ARF4: variants seen among roughly 807,000 people sequenced by gnomAD.
The protein encoded by ARF4 is ADP-ribosylation factor 4.
In ARF4, 5 loss-of-function variants were observed where a neutral mutation model predicts 24.3. The observed-to-expected ratio is 0.21, with a 90% confidence interval of 0.11 to 0.43. ARF4 has a LOEUF of 0.43. Ranked by LOEUF, ARF4 falls within the 20% of genes least tolerant of loss-of-function variation. The pLI is 1.00. For synonymous variants in ARF4, 62 were observed against 73.5 expected (o/e 0.84, Z 0.80); for missense variants, 107 against 213.0 (o/e 0.50, Z 3.10).
intron 1 of ARF4, among the ~76,000 whole-genome samples, chr3:57,592,919 C>T (rs567772577): frequency 7.9e-5 from 12 of 152,218 alleles, no homozygotes; most frequent in East Asian, 3.9e-4. Context: ...AAAGGCTGAG[C>T]GTGTACCAGG....
At chr3:57,578,654 A>G (rs2069934438) in intron 3 of ARF4, among the ~76,000 whole-genome samples, 1 of 151,850 alleles carries the variant, frequency 6.6e-6, no homozygotes. Context: ...TAATTTTTCT[A>G]TTTTTTGTAG....
chr3:57,574,615 C>T (rs576220663), intron 5 of ARF4, among the ~76,000 whole-genome samples: 17 of 152,086 alleles, frequency 1.1e-4, no homozygotes, highest in South Asian at 2.1e-4. Context: ...CTTTGTTGCC[C>T]GGGCTGGTTT....
Position 57,577,357 on chromosome 3 carries a change from G to C in ARF4, c.289C>G (p.Arg97Gly). 1 of 1,613,346 alleles carries C rather than the reference G, an allele frequency of 6.2e-7. No individual in the cohort carries two copies. Among genetic ancestry groups the C allele is most frequent in the Non-Finnish European group, 8.5e-7 (1 of 1,179,788 alleles). ...GLIFVVDSNDRERIQEVADEL... is the reference protein window; with the variant it reads ...GLIFVVDSNDGERIQEVADEL... ...TCTGCTACTTCCTGAATTCTTTCAC[G>C]ATCGTTGCTATCTACCACAAAAATA... The change falls in exon 4 of 6, where the codon CGT becomes GGT. Residue 97 changes from arginine to glycine, a missense_variant. Coordinates refer to ENST00000303436, the MANE Select transcript of ARF4 (RefSeq NM_001660.4).
At chr3:57,583,827 T>C in intron 3 of ARF4, 71 bp downstream of exon 3, 1 of 1,037,166 alleles carries the variant, frequency 9.6e-7, no homozygotes, top group South Asian at 1.4e-5. Flanking sequence ...AAGTAAATAC[T>C]AGATACTAAT....
At chr3:57,594,367 C>G (rs2070156010) in intron 1 of ARF4, among the ~76,000 whole-genome samples, 1 of 152,162 alleles carries the variant, frequency 6.6e-6, no homozygotes, top group Admixed American at 6.6e-5. Flanking sequence ...GGATAATAGG[C>G]GTGAGCCACC....
intron 1 of ARF4, among the ~76,000 whole-genome samples, chr3:57,591,656 G>A (rs1179663337): frequency 1.3e-5 from 2 of 151,954 alleles, no homozygotes; most frequent in Non-Finnish European, 2.9e-5. Flanking sequence ...GAGTATAGAT[G>A]GGGTTTCACT....
At chr3:57,581,065 G>A (rs2069965102) in intron 3 of ARF4, among the ~76,000 whole-genome samples, 1 of 152,196 alleles carries the variant, frequency 6.6e-6, no homozygotes, top group South Asian at 2.1e-4. Flanking sequence ...AAGCCCAGCT[G>A]CTATGAAATT....
chr3:57,594,043 G>A (rs1247323084), intron 1 of ARF4, among the ~76,000 whole-genome samples: 1 of 152,130 alleles, frequency 6.6e-6, no homozygotes, highest in Non-Finnish European at 1.5e-5. Flanking sequence ...ATCACCTGAG[G>A]TCAGGAGTTC....
At chr3:57,575,139 C>T (rs376201148) in intron 5 of ARF4, among the ~76,000 whole-genome samples, 11 of 146,390 alleles carry the variant, frequency 7.5e-5, no homozygotes, top group African/African-American at 2.3e-4. Context: ...CATGAGCCAC[C>T]GCACCCAGCC....
rs1460603901 is a variant in ARF4, at chr3:57,577,299, T to G, written c.330+17A>C. ...AAGCACACCTTGAAAATGATGAATTTAAAGTATATTTCTTACCATTTTCTG... is the reference window on the plus strand; with the variant it reads ...AAGCACACCTTGAAAATGATGAATTGAAAGTATATTTCTTACCATTTTCTG... On this transcript the variant is annotated intron_variant, in intron 4 of 5. Transcript: ENST00000303436. 6.2e-7 allele frequency: 1 copy of G among 1,601,924 alleles called. No homozygotes were observed. The highest frequency in any genetic ancestry group is 1.7e-5 in the Admixed American group (1 of 59,918).
intron 3 of ARF4, among the ~76,000 whole-genome samples, chr3:57,581,974 TC>T (rs2069978233): frequency 6.6e-6 from 1 of 152,034 alleles, no homozygotes; most frequent in Non-Finnish European, 1.5e-5. Context: ...ATCCAAAACT[TC>T]CCGAGCACCA....
At chr3:57,584,850 T>G (rs2070016946) in intron 1 of ARF4, among the ~76,000 whole-genome samples, 2 of 151,896 alleles carry the variant, frequency 1.3e-5, no homozygotes, top group South Asian at 4.2e-4. Flanking sequence ...ACTACCAGCA[T>G]TTTTTGGGGG....
chr3:57,589,033 C>T (rs998608443), intron 1 of ARF4, among the ~76,000 whole-genome samples: 3 of 150,872 alleles, frequency 2.0e-5, no homozygotes, highest in Non-Finnish European at 4.4e-5. Flanking sequence ...ACCTGAGAGG[C>T]GGAGGTCGCA....
At chr3:57,573,358 CA>C (rs577030564) in intron 5 of ARF4, among the ~76,000 whole-genome samples, 1 of 151,766 alleles carries the variant, frequency 6.6e-6, no homozygotes, top group Non-Finnish European at 1.5e-5. Context: ...GTGAAAGTAT[CA>C]AAAAAAACCT....
chr3:57,575,305 CAA>C lies in ARF4; in HGVS notation c.456+241_456+242del, dbSNP rs11294059. Among the ~76,000 whole-genome samples, 218 of 134,936 alleles carry C rather than the reference CAA, an allele frequency of 1.6e-3. 1 individual carries two copies. The highest frequency in any genetic ancestry group is 2.1e-3 in the Non-Finnish European group (130 of 62,648). The allele number at this position is 134,936 out of a possible 152,430, so 88.5% of individuals were successfully genotyped here. ...TTTCCATTCCTTCCACCTCTCCCTTCAAAAAAAAAAAAAAAGAAAAAAGAAAC... is the reference window on the plus strand; with the variant it reads ...TTTCCATTCCTTCCACCTCTCCCTTCAAAAAAAAAAAAAGAAAAAAGAAAC... On this transcript the variant is annotated intron_variant, in intron 5 of 5. Coordinates refer to ENST00000303436, the MANE Select transcript of ARF4 (RefSeq NM_001660.4).
chr3:57,583,486 G>A (rs1028194734), intron 3 of ARF4, among the ~76,000 whole-genome samples: 3 of 152,058 alleles, frequency 2.0e-5, no homozygotes, highest in Admixed American at 6.6e-5. Flanking sequence ...TCAATGCAGC[G>A]AACTGACTTT....
chr3:57,584,300 A>G, intron 2 of ARF4, 84 bp downstream of exon 2: 1 of 1,233,792 alleles, frequency 8.1e-7, no homozygotes, highest in Non-Finnish European at 1.2e-6. Context: ...AACATGCTTA[A>G]CAAAAAGACA....
chr3:57,576,904 C>T (rs1355449608), intron 4 of ARF4, among the ~76,000 whole-genome samples: 3 of 151,930 alleles, frequency 2.0e-5, no homozygotes, highest in South Asian at 2.1e-4. Flanking sequence ...AAAATGGAAC[C>T]GATGACCTTG....
At chr3:57,589,251 G>C (rs2070075735) in intron 1 of ARF4, among the ~76,000 whole-genome samples, 1 of 151,642 alleles carries the variant, frequency 6.6e-6, no homozygotes, top group Non-Finnish European at 1.5e-5. Flanking sequence ...CTGGGCAACA[G>C]AATTGAGACC....
Sources: gnomAD v4.1 joint callset for allele counts (sites outside exome capture counted in the v4.1 genomes callset) on GRCh38, gnomAD v4.1.1 for gene constraint, MANE v1.5 for transcripts, NCBI Gene and HGNC (gene_info 2026-07-23, HGNC 2026-07-21) for gene names.